Variants in COX10 observed in about 807,000 individuals in gnomAD.
COX10 encodes the protein protoheme IX farnesyltransferase, mitochondrial.
Under a neutral mutation model 37.3 loss-of-function variants are expected in COX10, and 27 were observed. That is an observed-to-expected ratio of 0.72 (90% CI 0.53 to 1.00). The LOEUF is 1.00. Ranked by LOEUF, COX10 falls within the 50% of genes least tolerant of loss-of-function variation. The pLI is 0.00. For synonymous variants in COX10, 222 were observed against 229.1 expected (o/e 0.97, Z 0.28); for missense variants, 475 against 563.2 (o/e 0.84, Z 1.59).
intron 4 of COX10, among the ~76,000 whole-genome samples, chr17:14,140,246 C>T (rs999378159): frequency 6.7e-4 from 102 of 151,758 alleles, no homozygotes; most frequent in African/African-American, 2.4e-3. Flanking sequence ...ATTTTTTTGA[C>T]AAGAGAACAA....
chr17:14,153,962 A>G (rs1004658048), intron 4 of COX10, among the ~76,000 whole-genome samples: 2 of 152,242 alleles, frequency 1.3e-5, no homozygotes, highest in Non-Finnish European at 2.9e-5. Flanking sequence ...GGAATGAACT[A>G]TTGAAACCCT....
At chr17:14,185,253 A>G (rs8071359) in intron 5 of COX10, among the ~76,000 whole-genome samples, 8,869 of 148,602 alleles carry the variant, frequency 0.06, 953 homozygotes, top group African/African-American at 0.21. Context: ...GATGCTTTCA[A>G]AAATCCATCT....
intron 4 of COX10, among the ~76,000 whole-genome samples, chr17:14,131,728 T>C (rs1916470658): frequency 6.6e-6 from 1 of 152,050 alleles, no homozygotes. Flanking sequence ...CAGCCTGTAT[T>C]GTTGCCATGT....
At chr17:14,102,038 G>T in intron 3 of COX10, 80 bp from the exon 4 acceptor site, 1 of 1,554,524 alleles carries the variant, frequency 6.4e-7, no homozygotes, top group Non-Finnish European at 8.9e-7. Flanking sequence ...TATGAAGGAT[G>T]GCTTGTTTTT....
chr17:14,148,647 T>C (rs1597521942), intron 4 of COX10, among the ~76,000 whole-genome samples: 1 of 152,138 alleles, frequency 6.6e-6, no homozygotes, highest in South Asian at 2.1e-4. Context: ...GAAAAAGTTA[T>C]TGTCAAATTC....
At chr17:14,123,185 A>G (rs1916265183) in intron 4 of COX10, among the ~76,000 whole-genome samples, 1 of 152,174 alleles carries the variant, frequency 6.6e-6, no homozygotes, top group Admixed American at 6.5e-5. Context: ...CCCAGCGTTA[A>G]AATGCCTTAC....
intron 5 of COX10, among the ~76,000 whole-genome samples, chr17:14,175,083 C>CGGCGGGG (rs1210479535): frequency 6.1e-5 from 1 of 16,366 alleles, no homozygotes; most frequent in African/African-American, 9.3e-5. Flanking sequence ...TGGGAAATAG[C>CGGCGGGG]GGGGGGGGGG....
chr17:14,208,524 T>C lies in COX10; in HGVS notation c.*1311T>C, dbSNP rs995581493. 1.3e-5 allele frequency: 2 copies of C among 152,240 alleles called. No individual in the cohort carries two copies. Among genetic ancestry groups the C allele is most frequent in the Non-Finnish European group, 2.9e-5 (2 of 68,048 alleles). 9.4% of individuals were successfully genotyped at this position (152,240 alleles called of 1,614,324 possible). A position where few individuals can be genotyped will look rare whatever the true frequency, so the allele number is the denominator to read the frequency against. On this transcript the variant is annotated 3_prime_UTR_variant, in exon 7 of 7. Coordinates refer to ENST00000261643, the MANE Select transcript of COX10 (RefSeq NM_001303.4). The stretch of plus-strand genomic sequence containing the variant: ...AACATCCAATCACTGTTTGCACTTA[T>C]CTGAAATCTTCCCTCTTGGCTGCCC...
chr17:14,076,746 G>A lies in COX10; in HGVS notation c.189G>A (p.Gln63=), dbSNP rs1282287020. 18 of 1,614,130 alleles carry A rather than the reference G, an allele frequency of 1.1e-5. No individual in the cohort carries two copies. The highest frequency in any genetic ancestry group is 1.4e-5 in the Non-Finnish European group (16 of 1,180,010). The change falls in exon 3 of 7, where the codon CAG becomes CAA. Residue 63 remains glutamine (Q), a synonymous_variant. Coordinates refer to ENST00000261643, the MANE Select transcript of COX10 (RefSeq NM_001303.4). ...GCTTTTTTGTTTAGTATGTCACACAGCTGAACAGAAGCCACAACCAGCAAG... is the reference window on the plus strand; with the variant it reads ...GCTTTTTTGTTTAGTATGTCACACAACTGAACAGAAGCCACAACCAGCAAG... The part of the protein sequence containing the change: ...FSFLKRMYVT[Q]LNRSHNQQVR...
At chr17:14,095,796 G>T (rs995669451) in intron 3 of COX10, among the ~76,000 whole-genome samples, 2 of 152,120 alleles carry the variant, frequency 1.3e-5, no homozygotes, top group African/African-American at 4.8e-5. Flanking sequence ...CCTTCTAGCT[G>T]CCAGCATGGC....
At chr17:14,142,961 T>G (rs1904591336) in intron 4 of COX10, among the ~76,000 whole-genome samples, 1 of 152,190 alleles carries the variant, frequency 6.6e-6, no homozygotes, top group South Asian at 2.1e-4. Flanking sequence ...GCATGACAAA[T>G]GTCTTACCCT....
chr17:14,082,010 G>C (rs997800196), intron 3 of COX10, among the ~76,000 whole-genome samples: 3 of 152,216 alleles, frequency 2.0e-5, no homozygotes, highest in Non-Finnish European at 2.9e-5. Context: ...GGGGCAGGGG[G>C]CTGTGAAAGG....
chr17:14,183,881 A>G (rs1176546360), intron 5 of COX10, among the ~76,000 whole-genome samples: 1 of 152,186 alleles, frequency 6.6e-6, no homozygotes, highest in Non-Finnish European at 1.5e-5. Context: ...TCCTTTCTAG[A>G]CTAAACTCTT....
chr17:14,117,600 C>T (rs574560121), intron 4 of COX10, among the ~76,000 whole-genome samples: 1 of 152,184 alleles, frequency 6.6e-6, no homozygotes, highest in Non-Finnish European at 1.5e-5. Flanking sequence ...ACCTGCTGCT[C>T]AAACCCGGAG....
intron 4 of COX10, among the ~76,000 whole-genome samples, chr17:14,110,325 G>A (rs760780264): frequency 3.3e-5 from 5 of 152,074 alleles, no homozygotes; most frequent in Non-Finnish European, 5.9e-5. Flanking sequence ...GATGTCTTGG[G>A]TTCAGCAGAC....
intron 2 of COX10, among the ~76,000 whole-genome samples, chr17:14,075,613 T>C (rs1282083246): frequency 6.6e-6 from 1 of 152,170 alleles, no homozygotes; most frequent in Non-Finnish European, 1.5e-5. Flanking sequence ...TTCACAAATA[T>C]TAGCAGTAGT....
At chr17:14,139,885 G>A (rs538850269) in intron 4 of COX10, among the ~76,000 whole-genome samples, 1 of 152,270 alleles carries the variant, frequency 6.6e-6, no homozygotes, top group Admixed American at 6.5e-5. Flanking sequence ...TGTAGGCCTG[G>A]AGAACTGCAG....
intron 4 of COX10, among the ~76,000 whole-genome samples, chr17:14,110,632 A>T (rs934220091): frequency 6.6e-6 from 1 of 151,860 alleles, no homozygotes; most frequent in African/African-American, 2.4e-5. Context: ...TTCTTTTTTT[A>T]ATCTTCAGTT....
At chr17:14,133,982 C>G (rs911222728) in intron 4 of COX10, among the ~76,000 whole-genome samples, 6 of 151,356 alleles carry the variant, frequency 4.0e-5, no homozygotes, top group African/African-American at 1.5e-4. Context: ...AAGAGGAACC[C>G]TGGTATTCGT....
Sources: allele counts gnomAD v4.1 joint callset (sites outside exome capture counted in the v4.1 genomes callset), GRCh38; gene constraint gnomAD v4.1.1; transcripts MANE v1.5; gene names NCBI Gene and HGNC (gene_info 2026-07-23, HGNC 2026-07-21).